ZMYM4: variants seen among roughly 807,000 people sequenced by gnomAD.
ZMYM4 encodes the protein zinc finger MYM-type containing 4.
A neutral mutation model predicts 183.2 loss-of-function variants in ZMYM4; 31 were observed. The observed-to-expected ratio is 0.17, with a 90% CI of 0.13 to 0.23. ZMYM4 has a LOEUF of 0.23. Ranked by LOEUF, ZMYM4 falls within the 10% of genes least tolerant of loss-of-function variation. The probability of loss-of-function intolerance (pLI) is 1.00; values close to 1 mark genes in which losing one functional copy is unlikely to be tolerated. For synonymous variants in ZMYM4, 592 were observed against 631.2 expected (o/e 0.94, Z 0.93); for missense variants, 1,273 against 1,840.3 (o/e 0.69, Z 5.64).
intron 7 of ZMYM4, among the ~76,000 whole-genome samples, chr1:35,374,959 G>A (rs920150377): frequency 6.6e-6 from 1 of 152,026 alleles, no homozygotes; most frequent in East Asian, 1.9e-4. Flanking sequence ...TTAAGATTAT[G>A]TTCTCTTCTC....
At chr1:35,416,314 T>G (rs1308330948) in intron 28 of ZMYM4, among the ~76,000 whole-genome samples, 2 of 152,212 alleles carry the variant, frequency 1.3e-5, no homozygotes, top group African/African-American at 2.4e-5. Context: ...GAAATTAAAT[T>G]TATTATTTTT....
chr1:35,361,088 G>T (rs1643926793), intron 3 of ZMYM4, 106 bp from the exon 4 acceptor site: 2 of 977,104 alleles, frequency 2.0e-6, no homozygotes, highest in South Asian at 4.1e-5. Context: ...GAGCATCTTT[G>T]TTGGAAAAGA....
chr1:35,386,870 C>A, intron 11 of ZMYM4, 133 bp from the exon 12 acceptor site: 1 of 944,818 alleles, frequency 1.1e-6, no homozygotes, highest in Non-Finnish European at 1.5e-6. Flanking sequence ...ATAAGCTGCT[C>A]AGAGGCAGGA....
chr1:35,291,183 GTCT>G (rs1457883470), intron 1 of ZMYM4, among the ~76,000 whole-genome samples: 1 of 152,082 alleles, frequency 6.6e-6, no homozygotes, highest in Non-Finnish European at 1.5e-5. Context: ...AATACTGTAT[GTCT>G]TCTTATATTG....
Position 35,353,402 on chromosome 1 carries a change from C to T in ZMYM4, c.86-5523C>T, listed in dbSNP as rs191201746. ...TTAATTTGTCTGTAGAGTCTTCTAA[C>T]GACTTCCTTTTACACTTACATACAT... On this transcript the variant is annotated intron_variant, in intron 2 of 29. Transcript: ENST00000314607. Among the ~76,000 whole-genome samples, 524 of 152,324 alleles carry T rather than the reference C, an allele frequency of 3.4e-3. 2 individuals are homozygous for T. Among genetic ancestry groups the T allele is most frequent in the Non-Finnish European group, 4.8e-3 (327 of 68,018 alleles).
Position 35,348,265 on chromosome 1 carries a change from A to G in ZMYM4, c.86-10660A>G, listed in dbSNP as rs147523190. On this transcript the variant is annotated intron_variant, in intron 2 of 29. Coordinates refer to ENST00000314607, the MANE Select transcript of ZMYM4 (RefSeq NM_005095.3). The stretch of plus-strand genomic sequence containing the variant: ...AATATTTATCACCTTTTGGTAAGCT[A>G]TAAAATCAGATTGATCTAAATATTC... Among the ~76,000 whole-genome samples the G allele has an allele frequency of 2.5e-3, 374 of 152,340 alleles. 2 individuals carry two copies. The highest frequency in any genetic ancestry group is 7.8e-3 in the African/African-American group (326 of 41,574).
chr1:35,336,722 A>G (rs1272112225), intron 2 of ZMYM4, among the ~76,000 whole-genome samples: 2 of 152,072 alleles, frequency 1.3e-5, no homozygotes, highest in Non-Finnish European at 2.9e-5. Context: ...TTCATTTTTA[A>G]GGCTGAATCA....
intron 7 of ZMYM4, among the ~76,000 whole-genome samples, chr1:35,372,825 T>C (rs933777297): frequency 5.3e-5 from 8 of 152,236 alleles, no homozygotes; most frequent in African/African-American, 1.9e-4. Context: ...GGGAGCATTT[T>C]GGATTTCTGG....
At chr1:35,344,379 G>A (rs1197206609) in intron 2 of ZMYM4, among the ~76,000 whole-genome samples, 2 of 152,038 alleles carry the variant, frequency 1.3e-5, no homozygotes, top group African/African-American at 4.8e-5. Flanking sequence ...ACAGTATTGA[G>A]TAGAAGTGGT....
At chr1:35,369,933 C>A in intron 5 of ZMYM4, 96 bp from the exon 6 acceptor site, 1 of 778,128 alleles carries the variant, frequency 1.3e-6, no homozygotes, top group Non-Finnish European at 2.0e-6. Context: ...CATTTTCCAC[C>A]TCTATATAGT....
At chr1:35,395,913 T>G (rs1360595922) in intron 18 of ZMYM4, among the ~76,000 whole-genome samples, 1 of 152,210 alleles carries the variant, frequency 6.6e-6, no homozygotes, top group Admixed American at 6.5e-5. Context: ...GAATAAATCA[T>G]CCATCTTGCT....
intron 8 of ZMYM4, 38 bp downstream of exon 8, chr1:35,381,471 A>C: frequency 3.1e-6 from 5 of 1,607,862 alleles, no homozygotes; most frequent in Non-Finnish European, 4.3e-6. Flanking sequence ...CAGGAGTCTA[A>C]TACGTTTGTG....
chr1:35,355,233 G>C (rs1470340632), intron 2 of ZMYM4, among the ~76,000 whole-genome samples: 2 of 118,006 alleles, frequency 1.7e-5, no homozygotes, highest in African/African-American at 3.4e-5. Context: ...TTTTTAAGTA[G>C]AGACAGGGTT....
At chr1:35,392,546 C>A in intron 16 of ZMYM4, 101 bp from the exon 17 acceptor site, 1 of 1,301,410 alleles carries the variant, frequency 7.7e-7, no homozygotes, top group Non-Finnish European at 1.1e-6. Flanking sequence ...AACACATGTT[C>A]TTAGTATGAG....
chr1:35,414,105 T>C, intron 27 of ZMYM4, 22 bp downstream of exon 27: 1 of 1,352,832 alleles, frequency 7.4e-7, no homozygotes, highest in Middle Eastern at 1.8e-4. Flanking sequence ...TTTTTTTTAT[T>C]GTTTTCATGA....
chr1:35,332,339 A>G (rs1642787816), intron 2 of ZMYM4, among the ~76,000 whole-genome samples: 1 of 152,092 alleles, frequency 6.6e-6, no homozygotes, highest in Non-Finnish European at 1.5e-5. Flanking sequence ...CTAATGGTGT[A>G]AAACACTTTT....
At chr1:35,314,965 C>T (rs1025542441) in intron 1 of ZMYM4, among the ~76,000 whole-genome samples, 1 of 151,152 alleles carries the variant, frequency 6.6e-6, no homozygotes, top group African/African-American at 2.4e-5. Flanking sequence ...GCAGAGTTTG[C>T]AGTGAGCCGA....
At chr1:35,329,730 G>A (rs1328043865) in intron 2 of ZMYM4, among the ~76,000 whole-genome samples, 1 of 151,968 alleles carries the variant, frequency 6.6e-6, no homozygotes, top group Non-Finnish European at 1.5e-5. Flanking sequence ...CCTTTTTCTG[G>A]TTTAACTGAG....
chr1:35,418,492 A>G lies in ZMYM4; in HGVS notation c.4359A>G (p.Pro1453=), dbSNP rs748275474. 4 of 1,614,160 alleles carry G rather than the reference A, an allele frequency of 2.5e-6. No homozygotes were observed. The South Asian group carries it at 4.4e-5, about 18-fold the overall frequency. Residue 1453 remains proline (P), a synonymous_variant, in exon 29 of 30, where the codon CCA becomes CCG. Transcript: ENST00000314607. Reference sequence around the variant, plus strand: ...AACGAAATGAAGATGATGAGGTTCCAGTGGGGGTGGAGATGGCAGAGAATA... The same window carrying G: ...AACGAAATGAAGATGATGAGGTTCCGGTGGGGGTGGAGATGGCAGAGAATA... ...KRKRNEDDEV[P]VGVEMAENTD...
Sources: allele counts gnomAD v4.1 joint callset (sites outside exome capture counted in the v4.1 genomes callset), GRCh38; gene constraint gnomAD v4.1.1; transcripts MANE v1.5; gene names NCBI Gene and HGNC (gene_info 2026-07-23, HGNC 2026-07-21).